The following TMEM185B variants were observed in gnomAD, a reference collection of about 807,000 sequenced individuals.
TMEM185B encodes transmembrane protein 185B, also known as ee3_2.
TMEM185B carries 9 observed loss-of-function variants against 26.2 expected under a neutral mutation model. The ratio of observed to expected loss-of-function variants is 0.34; its 90% CI spans 0.21 to 0.60. TMEM185B has a LOEUF of 0.60. TMEM185B is among the 20% of genes least tolerant of loss of function. TMEM185B has a pLI of 0.80. For synonymous variants in TMEM185B, 204 were observed against 191.8 expected (o/e 1.06, Z -0.52); for missense variants, 392 against 447.9 (o/e 0.88, Z 1.13).
Position 120,223,139 on chromosome 2 carries a change from G to T in TMEM185B, c.-163C>A. ...AGGAGGTTCGGAGCGGCGAAGCGGA[G>T]AGGCCGGAACACGTGCACGCGCGGT... On this transcript the variant is annotated 5_prime_UTR_variant, in exon 1 of 1. Coordinates refer to ENST00000426077, the MANE Select transcript of TMEM185B (RefSeq NM_024121.3). The T allele has an allele frequency of 2.0e-6, 1 of 487,830 alleles. No homozygotes were observed. The highest frequency in any genetic ancestry group is 3.7e-5 in the East Asian group (1 of 26,888). 30.2% of individuals were successfully genotyped at this position (487,830 alleles called of 1,614,324 possible). A position where few individuals can be genotyped will look rare whatever the true frequency, so the allele number is the denominator to read the frequency against.
Position 120,221,345 on chromosome 2 carries a change from C to G in TMEM185B, c.*579G>C, listed in dbSNP as rs555245325. On this transcript the variant is annotated 3_prime_UTR_variant, in exon 1 of 1. Transcript: ENST00000426077. ...GAGAACTAGAATTCAACATATTACA[C>G]TGCTAAAATATTCATATAAATACTA... is the stretch of plus-strand genomic sequence containing the variant. 2.0e-5 allele frequency: 3 copies of G among 152,452 alleles called. No homozygotes were observed. In the South Asian group the frequency reaches 6.2e-4, roughly 32 times the overall value. 9.4% of individuals were successfully genotyped at this position (152,452 alleles called of 1,614,324 possible). A position where few individuals can be genotyped will look rare whatever the true frequency, so the allele number is the denominator to read the frequency against.
rs1165268667 is a variant in TMEM185B at position 120,218,354 on chromosome 2, C to T, written c.*3570G>A. 1.3e-5 allele frequency among the ~76,000 whole-genome samples: 2 copies of T among 152,224 alleles called. No homozygotes were observed. The highest frequency in any genetic ancestry group is 2.9e-5 in the Non-Finnish European group (2 of 68,030). ...GTGGTGGTGGCTGTGGCAAGTGCTGCATCTCCAGCAAATGGTCCCTGTGGT... is the reference window on the plus strand; with the variant it reads ...GTGGTGGTGGCTGTGGCAAGTGCTGTATCTCCAGCAAATGGTCCCTGTGGT... On this transcript the variant is annotated 3_prime_UTR_variant, in exon 1 of 1. Transcript: ENST00000426077.
At position 120,219,849 on chromosome 2, in the gene TMEM185B, G is replaced by A. The variant is rs1688557303; in HGVS notation, c.*2075C>T. On this transcript the variant is annotated 3_prime_UTR_variant, in exon 1 of 1. Transcript: ENST00000426077. ...GTACAGGACACTTTGCATGGGCAGG[G>A]CTGTTTGCTCTCCACTGCATCCCCA... Among the ~76,000 whole-genome samples the A allele has an allele frequency of 6.6e-6, 1 of 152,224 alleles. No individual in the cohort carries two copies. The highest frequency in any genetic ancestry group is 1.5e-5 in the Non-Finnish European group (1 of 68,044).
Position 120,223,069 on chromosome 2 carries a change from C to CAAG in TMEM185B, c.-94_-93insCTT. 1 of 992,194 alleles carries CAAG rather than the reference C, an allele frequency of 1.0e-6. No individual in the cohort carries two copies. The highest frequency in any genetic ancestry group is 1.3e-6 in the Non-Finnish European group (1 of 755,630). The allele number at this position is 992,194 out of a possible 1,614,324, so 61.5% of individuals were successfully genotyped here. ...CTTCTCCGGCCGCCGCCTCCCGGGC[C>CAAG]CCGCCCAAGCCGGCTCCGCGTGGAC... On this transcript the variant is annotated 5_prime_UTR_variant, in exon 1 of 1. Coordinates refer to ENST00000426077, the MANE Select transcript of TMEM185B (RefSeq NM_024121.3).
chr2:120,219,913 G>T lies in TMEM185B; in HGVS notation c.*2011C>A, dbSNP rs1265660060. On this transcript the variant is annotated 3_prime_UTR_variant, in exon 1 of 1. Coordinates refer to ENST00000426077, the MANE Select transcript of TMEM185B (RefSeq NM_024121.3). ...TGCTTGGCTCGGGGTAGGTCTTCAA[G>T]AAATATTGAGAATATGAATGAATCA... is the stretch of plus-strand genomic sequence containing the variant. Among the ~76,000 whole-genome samples the T allele has an allele frequency of 5.9e-5, 9 of 152,342 alleles. No homozygotes were observed. The highest frequency in any genetic ancestry group is 2.2e-4 in the African/African-American group (9 of 41,582).
At position 120,223,288 on chromosome 2, in the gene TMEM185B, G is replaced by C. The variant is rs976266668; in HGVS notation, c.-312C>G. 9.4e-6 allele frequency: 2 copies of C among 213,668 alleles called. No individual in the cohort carries two copies. Among genetic ancestry groups the C allele is most frequent in the African/African-American group, 4.6e-5 (2 of 43,638 alleles). 13.2% of individuals were successfully genotyped at this position (213,668 alleles called of 1,614,324 possible). A position where few individuals can be genotyped will look rare whatever the true frequency, so the allele number is the denominator to read the frequency against. On this transcript the variant is annotated 5_prime_UTR_variant, in exon 1 of 1. Transcript: ENST00000426077. ...GCGTTCACTCCGTACCCATCAAGAA[G>C]GCACCTAATGCGTGTGGGGCCCGAA...
In TMEM185B at chr2:120,219,620, G is replaced by C. The variant is rs143935057; in HGVS notation, c.*2304C>G. Among the ~76,000 whole-genome samples the C allele has an allele frequency of 6.6e-6, 1 of 152,326 alleles. No individual in the cohort carries two copies. The highest frequency in any genetic ancestry group is 1.5e-5 in the Non-Finnish European group (1 of 68,028). On this transcript the variant is annotated 3_prime_UTR_variant, in exon 1 of 1. Transcript: ENST00000426077. ...CCTCCCAGTTCCTCCAGCACTGCCT[G>C]CCCATGCACCCCTAAATCTTACTGA... is the stretch of plus-strand genomic sequence containing the variant.
In TMEM185B at chr2:120,217,648, G is replaced by A. The variant is rs116561907; in HGVS notation, c.*4276C>T. On this transcript the variant is annotated 3_prime_UTR_variant, in exon 1 of 1. Coordinates refer to ENST00000426077, the MANE Select transcript of TMEM185B (RefSeq NM_024121.3). ...AAGCCTGGCTTAACAGAAGGCTGCT[G>A]CATCCTCATAGCTGCTTCCGCCTTC... Among the ~76,000 whole-genome samples, 2,986 of 152,338 alleles carry A rather than the reference G, an allele frequency of 0.02. 108 individuals are homozygous for A. Among genetic ancestry groups the A allele is most frequent in the African/African-American group, 0.068 (2,813 of 41,566 alleles).
chr2:120,222,777 C>A lies in TMEM185B; in HGVS notation c.200G>T (p.Arg67Leu). Reference sequence around the variant, plus strand: ...TCCCTCGGTGCGGTAGCGAGGGTTGCGGGCCCAAACGCCCGCGCCCACGGA... The same window carrying A: ...TCCCTCGGTGCGGTAGCGAGGGTTGAGGGCCCAAACGCCCGCGCCCACGGA... ...GASVGAGVWARNPRYRTEGEA... is the reference protein window; with the variant it reads ...GASVGAGVWALNPRYRTEGEA... The change falls in exon 1 of 1, where the codon CGC becomes CTC. Residue 67 changes from arginine (R) to leucine (L), a missense_variant. Arg to Leu is a moderately radical substitution (Grantham distance 102). Transcript: ENST00000426077. 3 of 1,534,806 alleles carry A rather than the reference C, an allele frequency of 2.0e-6. No homozygotes were observed. The highest frequency in any genetic ancestry group is 2.6e-6 in the Non-Finnish European group (3 of 1,145,860).
Position 120,223,141 on chromosome 2 carries a change from G to A in TMEM185B, c.-165C>T, listed in dbSNP as rs1014560688. 8 of 471,928 alleles carry A rather than the reference G, an allele frequency of 1.7e-5. No homozygotes were observed. Among genetic ancestry groups the A allele is most frequent in the Admixed American group, 1.3e-4 (3 of 22,466 alleles). 29.2% of individuals were successfully genotyped at this position (471,928 alleles called of 1,614,324 possible). On this transcript the variant is annotated 5_prime_UTR_variant, in exon 1 of 1. Coordinates refer to ENST00000426077, the MANE Select transcript of TMEM185B (RefSeq NM_024121.3). ...GAGGTTCGGAGCGGCGAAGCGGAGA[G>A]GCCGGAACACGTGCACGCGCGGTCA...
Position 120,222,174 on chromosome 2 carries a change from T to C in TMEM185B, c.803A>G (p.Asn268Ser), listed in dbSNP as rs1242183884. 6 of 1,553,148 alleles carry C rather than the reference T, an allele frequency of 3.9e-6. No individual in the cohort carries two copies. The highest frequency in any genetic ancestry group is 5.2e-6 in the Non-Finnish European group (6 of 1,152,224). The change falls in exon 1 of 1, where the codon AAT (asparagine) becomes AGT (serine). Residue 268 changes from asparagine (N) to serine (S), a missense_variant. Around this residue, in one of 3 missense-constraint regions of TMEM185B, gnomAD observed 176 missense variants for 201.6 expected, o/e 0.87. Transcript: ENST00000426077. ...MATTFRRKGG[N>S]HWWFGIRRDF... is the part of the protein sequence containing the mutation. ...TCTGCGAATGCCAAACCACCAATGA[T>C]TGCCCCCCTTTCGCCTAAATGTTGT...
At position 120,222,405 on chromosome 2, in the gene TMEM185B, ACGATGTAATAGAGGACGACCAGG is replaced by A; in HGVS notation, c.549_571del (p.Val186ProfsTer35). The A allele has an allele frequency of 6.5e-7, 1 of 1,536,254 alleles. No homozygotes were observed. The highest frequency in any genetic ancestry group is 1.4e-5 in the African/African-American group (1 of 73,160). ...GGACCGCAGGAACAGGAGGGACCAG[ACGATGTAATAGAGGACGACCAGG>A]CAAAGGAACGACATGAGGATCCACA... On this transcript the variant is annotated frameshift_variant, in exon 1 of 1. Transcript: ENST00000426077. LOFTEE classifies it high-confidence loss of function.
In TMEM185B at chr2:120,223,131, G is replaced by T. The variant is rs1296757101; in HGVS notation, c.-155C>A. 2.0e-6 allele frequency: 1 copy of T among 505,992 alleles called. No homozygotes were observed. Among genetic ancestry groups the T allele is most frequent in the Non-Finnish European group, 3.1e-6 (1 of 324,320 alleles). 31.3% of individuals were successfully genotyped at this position (505,992 alleles called of 1,614,324 possible). On this transcript the variant is annotated 5_prime_UTR_variant, in exon 1 of 1. Transcript: ENST00000426077. The stretch of plus-strand genomic sequence containing the variant: ...CGACCAGGAGGAGGTTCGGAGCGGC[G>T]AAGCGGAGAGGCCGGAACACGTGCA...
chr2:120,222,126 T>G lies in TMEM185B; in HGVS notation c.851A>C (p.Glu284Ala), dbSNP rs1688597956. The change falls in exon 1 of 1, where the codon GAA becomes GCA. Residue 284 changes from glutamate to alanine, a missense_variant. Physicochemically the swap from Glu to Ala is moderately radical, Grantham distance 107. Coordinates refer to ENST00000426077, the MANE Select transcript of TMEM185B (RefSeq NM_024121.3). ...ATATTCTCTTAAAAATGGGAAAATT[T>G]CAAGCAGAAACTGACAGAAGTCTCT... Reference protein sequence around the residue: ...IRRDFCQFLLEIFPFLREYGN... With the variant: ...IRRDFCQFLLAIFPFLREYGN... 1 of 1,563,898 alleles carries G rather than the reference T, an allele frequency of 6.4e-7. No individual in the cohort carries two copies. Among genetic ancestry groups the G allele is most frequent in the African/African-American group, 1.4e-5 (1 of 73,284 alleles).
chr2:120,221,521 T>C lies in TMEM185B; in HGVS notation c.*403A>G, dbSNP rs1429411322. The C allele has an allele frequency of 6.1e-6, 1 of 162,852 alleles. No homozygotes were observed. The highest frequency in any genetic ancestry group is 1.3e-5 in the Non-Finnish European group (1 of 75,344). 10.1% of individuals were successfully genotyped at this position (162,852 alleles called of 1,614,324 possible). On this transcript the variant is annotated 3_prime_UTR_variant, in exon 1 of 1. Transcript: ENST00000426077. ...TAAACAAGTGGTGGGAAAGAGAACT[T>C]TTTACATTTGCTATTGTTATGACAG...
Position 120,223,004 on chromosome 2 carries a change from G to A in TMEM185B, c.-28C>T, listed in dbSNP as rs1253516449. ...CGGAGGCCGCCGCTTGCCTGCCCGG[G>A]CCTGCTCCCTCGCGACGCTCGGCGC... On this transcript the variant is annotated 5_prime_UTR_variant, in exon 1 of 1. Coordinates refer to ENST00000426077, the MANE Select transcript of TMEM185B (RefSeq NM_024121.3). The A allele has an allele frequency of 1.5e-6, 2 of 1,371,234 alleles. No individual in the cohort carries two copies. Among genetic ancestry groups the A allele is most frequent in the African/African-American group, 1.5e-5 (1 of 67,476 alleles). The allele number at this position is 1,371,234 out of a possible 1,614,324, so 84.9% of individuals were successfully genotyped here.
chr2:120,218,320 A>T lies in TMEM185B; in HGVS notation c.*3604T>A, dbSNP rs750343124. ...TGGAGGCTCCCTTTTTGTGGGTGTC[A>T]TGCTGTCAGTGGTGGTGGCTGTGGC... On this transcript the variant is annotated 3_prime_UTR_variant, in exon 1 of 1. Coordinates refer to ENST00000426077, the MANE Select transcript of TMEM185B (RefSeq NM_024121.3). Among the ~76,000 whole-genome samples the T allele has an allele frequency of 2.6e-5, 4 of 152,200 alleles. No individual in the cohort carries two copies. Among genetic ancestry groups the T allele is most frequent in the Admixed American group, 6.5e-5 (1 of 15,288 alleles).
Position 120,219,047 on chromosome 2 carries a change from G to A in TMEM185B, c.*2877C>T, listed in dbSNP as rs766102208. Reference sequence around the variant, plus strand: ...GCCATGAGAAAGAACACGGCCCAAGGTAAGCTGCTGCTTCAACCAGGGACC... The same window carrying A: ...GCCATGAGAAAGAACACGGCCCAAGATAAGCTGCTGCTTCAACCAGGGACC... On this transcript the variant is annotated 3_prime_UTR_variant, in exon 1 of 1. Coordinates refer to ENST00000426077, the MANE Select transcript of TMEM185B (RefSeq NM_024121.3). Among the ~76,000 whole-genome samples the A allele has an allele frequency of 6.6e-6, 1 of 152,188 alleles. No homozygotes were observed. Among genetic ancestry groups the A allele is most frequent in the African/African-American group, 2.4e-5 (1 of 41,450 alleles).
At position 120,221,703 on chromosome 2, in the gene TMEM185B, G is replaced by A. The variant is rs1688588970; in HGVS notation, c.*221C>T. ...CGACTTACTGCCCCCAGCTACACCTGAAAGTGCGAACCTGGAAAGCAAGTC... is the reference window on the plus strand; with the variant it reads ...CGACTTACTGCCCCCAGCTACACCTAAAAGTGCGAACCTGGAAAGCAAGTC... On this transcript the variant is annotated 3_prime_UTR_variant, in exon 1 of 1. Transcript: ENST00000426077. 3.7e-6 allele frequency: 2 copies of A among 547,406 alleles called. No homozygotes were observed. The highest frequency in any genetic ancestry group is 6.4e-6 in the Non-Finnish European group (2 of 312,896). The allele number at this position is 547,406 out of a possible 1,614,324, so 33.9% of individuals were successfully genotyped here. A position where few individuals can be genotyped will look rare whatever the true frequency, so the allele number is the denominator to read the frequency against.
Sources: gnomAD v4.1 joint callset for allele counts (sites outside exome capture counted in the v4.1 genomes callset) on GRCh38, gnomAD v4.1.1 for gene constraint, gnomAD v4.1.1 regional missense constraint, MANE v1.5 for transcripts, NCBI Gene and HGNC (gene_info 2026-07-23, HGNC 2026-07-21) for gene names.